Variants in SMCHD1 observed in about 807,000 individuals in gnomAD.
SMCHD1 encodes structural maintenance of chromosomes flexible hinge domain-containing protein 1.
SMCHD1 carries 78 observed loss-of-function variants against 254.7 expected under a neutral mutation model. The observed-to-expected ratio is 0.31, with a 90% confidence interval of 0.26 to 0.37. The LOEUF is 0.37. SMCHD1 is among the 10% of genes least tolerant of loss of function. The probability of loss-of-function intolerance (pLI) is 1.00; values close to 1 mark genes in which losing one functional copy is unlikely to be tolerated. For missense variants in SMCHD1, 1,840 were observed against 2,408.1 expected (o/e 0.76, Z 4.94); for synonymous variants, 766 against 794.9 (o/e 0.96, Z 0.61).
rs1250602539 is a variant in SMCHD1, at chr18:2,718,939, G to A, written c.2458+505G>A. 6.6e-6 allele frequency among the ~76,000 whole-genome samples: 1 copy of A among 151,940 alleles called. No homozygotes were observed. Among genetic ancestry groups the A allele is most frequent in the African/African-American group, 2.4e-5 (1 of 41,342 alleles). Reference sequence around the variant, plus strand: ...AAGACATTGTTTTCTACTTTTCATTGTTGCTGGTAAAGTCTAAAGCTGTCC... The same window carrying A: ...AAGACATTGTTTTCTACTTTTCATTATTGCTGGTAAAGTCTAAAGCTGTCC... On this transcript the variant is annotated intron_variant, in intron 19 of 47. Coordinates refer to ENST00000320876, the MANE Select transcript of SMCHD1 (RefSeq NM_015295.3). The surrounding 1 kb of genome is among the most constrained non-coding windows in gnomAD (Gnocchi z 4.6).
chr18:2,772,707 T>C (rs1419682825), intron 41 of SMCHD1, among the ~76,000 whole-genome samples: 1 of 152,210 alleles, frequency 6.6e-6, no homozygotes, highest in Non-Finnish European at 1.5e-5. Context: ...TGTGGCTCGC[T>C]GCTCCCTCCA....
At chr18:2,687,451 C>G (rs976210624) in intron 5 of SMCHD1, among the ~76,000 whole-genome samples, 3 of 152,014 alleles carry the variant, frequency 2.0e-5, no homozygotes, top group Non-Finnish European at 2.9e-5. Flanking sequence ...GCTGTCAAAG[C>G]CTGCTCATCT....
At chr18:2,753,961 A>G (rs75056758) in intron 34 of SMCHD1, among the ~76,000 whole-genome samples, 3,029 of 152,164 alleles carry the variant, frequency 0.02, 39 homozygotes, top group African/African-American at 0.035. Context: ...TGTTTATCAT[A>G]TATTTATTGG....
At chr18:2,776,842 A>T (rs540068107) in intron 42 of SMCHD1, among the ~76,000 whole-genome samples, 5 of 152,318 alleles carry the variant, frequency 3.3e-5, no homozygotes. Context: ...TCAGTACTCA[A>T]AGGAACAGCA....
chr18:2,754,341 C>T (rs184963222), intron 34 of SMCHD1, among the ~76,000 whole-genome samples: 170 of 152,206 alleles, frequency 1.1e-3, no homozygotes, highest in Non-Finnish European at 1.9e-3. Context: ...TAGCTGGGCT[C>T]ATAGCTATGT....
intron 3 of SMCHD1, among the ~76,000 whole-genome samples, chr18:2,669,539 T>C (rs1369039903): frequency 6.6e-6 from 1 of 152,150 alleles, no homozygotes; most frequent in East Asian, 1.9e-4. Context: ...TTATTAATAT[T>C]GAAGTGCCTT....
intron 25 of SMCHD1, 43 bp downstream of exon 25, chr18:2,732,535 A>C (rs1359899880): frequency 7.6e-7 from 1 of 1,322,072 alleles, no homozygotes; most frequent in South Asian, 1.4e-5. Context: ...GAACTTTTTA[A>C]ATTTTATGTT....
intron 24 of SMCHD1, among the ~76,000 whole-genome samples, chr18:2,731,665 T>C (rs759334473): frequency 6.6e-6 from 1 of 152,220 alleles, no homozygotes; most frequent in Non-Finnish European, 1.5e-5. Context: ...TAACAGAGTA[T>C]GTAACATAAT....
chr18:2,724,728 T>A (rs1301541212), intron 20 of SMCHD1, among the ~76,000 whole-genome samples, 171 bp from the exon 21 acceptor site: 1 of 152,162 alleles, frequency 6.6e-6, no homozygotes. Flanking sequence ...GTTGGATCAA[T>A]TTTCTTTGTA....
intron 7 of SMCHD1, among the ~76,000 whole-genome samples, chr18:2,692,798 G>T (rs1009865022): frequency 2.6e-5 from 4 of 152,156 alleles, no homozygotes; most frequent in African/African-American, 9.7e-5. Context: ...GTAATCATTT[G>T]TTTTTTCATC....
At chr18:2,712,973 G>A (rs943120975) in intron 17 of SMCHD1, among the ~76,000 whole-genome samples, 1 of 151,914 alleles carries the variant, frequency 6.6e-6, no homozygotes, top group South Asian at 2.1e-4. Flanking sequence ...GGTTCTTATC[G>A]AACCCCAGTT....
chr18:2,788,612 TTTTAC>T (rs1366801105), intron 45 of SMCHD1, among the ~76,000 whole-genome samples: 2 of 152,210 alleles, frequency 1.3e-5, no homozygotes, highest in African/African-American at 4.8e-5. Context: ...TTTTATTTTA[TTTTAC>T]TTTTTGAGAC....
At chr18:2,761,071 C>T (rs2075774607) in intron 35 of SMCHD1, among the ~76,000 whole-genome samples, 1 of 152,102 alleles carries the variant, frequency 6.6e-6, no homozygotes, top group Non-Finnish European at 1.5e-5. Context: ...AGTAATATTT[C>T]ACACAGCCAT....
intron 5 of SMCHD1, among the ~76,000 whole-genome samples, chr18:2,681,661 G>C (rs575103748): frequency 1.3e-5 from 2 of 149,840 alleles, no homozygotes; most frequent in East Asian, 3.9e-4. Context: ...GGCACTATAA[G>C]AATTATTGCT....
intron 34 of SMCHD1, among the ~76,000 whole-genome samples, chr18:2,757,073 T>TC (rs762326818): frequency 1.9e-4 from 29 of 152,328 alleles, no homozygotes; most frequent in Admixed American, 5.9e-4. Context: ...GTTTTTTAGC[T>TC]CATTTATTTT....
Position 2,666,873 on chromosome 18 carries a change from A to T in SMCHD1, c.266A>T (p.Glu89Val), listed in dbSNP as rs886816476. Residue 89 changes from glutamate to valine, a missense_variant, in exon 3 of 48, where the codon GAA becomes GTA. Glu to Val is a moderately radical substitution (Grantham distance 121). Transcript: ENST00000320876. Reference protein sequence around the residue: ...RKEITCDNFDETVKDGVTLYL... With the variant: ...RKEITCDNFDVTVKDGVTLYL... Reference sequence around the variant, plus strand: ...TGATTTTCACTCTTGATTACAGATGAAACTGTTAAAGATGGAGTCACCTTA... The same window carrying T: ...TGATTTTCACTCTTGATTACAGATGTAACTGTTAAAGATGGAGTCACCTTA... 1 of 1,609,520 alleles carries T rather than the reference A, an allele frequency of 6.2e-7. No homozygotes were observed. Among genetic ancestry groups the T allele is most frequent in the Admixed American group, 1.7e-5 (1 of 59,150 alleles).
intron 45 of SMCHD1, among the ~76,000 whole-genome samples, chr18:2,790,134 A>C (rs2076297103): frequency 6.6e-6 from 1 of 152,222 alleles, no homozygotes. Context: ...GTGAGCCGAC[A>C]TCGCGCCACT....
At chr18:2,728,725 G>T in intron 23 of SMCHD1, 129 bp downstream of exon 23, 1 of 966,266 alleles carries the variant, frequency 1.0e-6, no homozygotes, top group South Asian at 2.2e-5. Flanking sequence ...AGGATTTGTG[G>T]GATCTTATTG....
intron 3 of SMCHD1, among the ~76,000 whole-genome samples, chr18:2,671,396 A>C (rs1261682634): frequency 6.6e-6 from 1 of 152,128 alleles, no homozygotes; most frequent in South Asian, 2.1e-4. Context: ...AGTTGAAACC[A>C]TATCAGTTGA....
Sources: allele counts gnomAD v4.1 joint callset (sites outside exome capture counted in the v4.1 genomes callset), GRCh38; gene constraint gnomAD v4.1.1; non-coding constraint Gnocchi (gnomAD v3.1); transcripts MANE v1.5; gene names NCBI Gene and HGNC (gene_info 2026-07-23, HGNC 2026-07-21).